Variants in PCDHGB4 observed in about 807,000 individuals in gnomAD.
PCDHGB4 encodes protocadherin gamma-B4.
In PCDHGB4, 38 loss-of-function variants were observed where a neutral mutation model predicts 60.5. The ratio of observed to expected loss-of-function variants is 0.63; its 90% CI spans 0.48 to 0.82. The LOEUF (loss-of-function observed/expected upper bound fraction) is 0.82. Among genes scored for constraint, PCDHGB4 ranks in the 40% least tolerant of loss-of-function variants. The pLI is 0.00. For synonymous variants in PCDHGB4, 456 were observed against 509.7 expected (o/e 0.89, Z 1.42); for missense variants, 1,109 against 1,209.6 (o/e 0.92, Z 1.23).
chr5:141,465,048 A>AT (rs905091014), intron 1 of PCDHGB4, among the ~76,000 whole-genome samples: 18 of 151,226 alleles, frequency 1.2e-4, no homozygotes, highest in African/African-American at 4.4e-4. Context: ...GACCCTATAT[A>AT]TTTTTTTGAA....
intron 1 of PCDHGB4, among the ~76,000 whole-genome samples, chr5:141,401,792 T>C (rs1359997438): frequency 6.6e-6 from 1 of 152,212 alleles, no homozygotes; most frequent in Non-Finnish European, 1.5e-5. Context: ...CCTTAGTATG[T>C]GATTCAGTAA....
At chr5:141,398,356 G>A (rs1242233046) in intron 1 of PCDHGB4, 2 of 1,409,378 alleles carry the variant, frequency 1.4e-6, no homozygotes, top group South Asian at 1.2e-5. Context: ...TTACTTCACC[G>A]TGAGCGCAGA....
chr5:141,408,933 G>C, intron 1 of PCDHGB4: 1 of 1,613,550 alleles, frequency 6.2e-7, no homozygotes, highest in South Asian at 1.1e-5. Context: ...GTTTTCAGCA[G>C]AGACGAATAT....
rs1391017504 is a variant in PCDHGB4 at position 141,490,732 on chromosome 5, G to GTTCAGGGAGCCCCAGCCTCCTCCT, written c.2398-4072_2398-4049dup. 6.2e-7 allele frequency: 1 copy of GTTCAGGGAGCCCCAGCCTCCTCCT among 1,614,070 alleles called. No individual in the cohort carries two copies. Among genetic ancestry groups the GTTCAGGGAGCCCCAGCCTCCTCCT allele is most frequent in the Non-Finnish European group, 8.5e-7 (1 of 1,180,050 alleles). On this transcript the variant is annotated intron_variant, in intron 1 of 3. Coordinates refer to ENST00000519479, the MANE Select transcript of PCDHGB4 (RefSeq NM_003736.4). This position sits in a 1 kb window ranked among gnomAD's most constrained non-coding sequence, Gnocchi z 5.4. ...CACCTACTCCATTGTAGGAAATCAG[G>GTTCAGGGAGCCCCAGCCTCCTCCT]TTCAGGGAGCCCCAGCCTCCTCCTT...
At chr5:141,435,941 A>G (rs1354198135) in intron 1 of PCDHGB4, among the ~76,000 whole-genome samples, 1 of 152,170 alleles carries the variant, frequency 6.6e-6, no homozygotes, top group Non-Finnish European at 1.5e-5. Flanking sequence ...TGCTTCTGAG[A>G]CCAAAAAAGG....
At chr5:141,404,068 T>C (rs2094481501) in intron 1 of PCDHGB4, 3 of 1,613,782 alleles carry the variant, frequency 1.9e-6, no homozygotes, top group Non-Finnish European at 2.5e-6. Flanking sequence ...TCAATGCTCA[T>C]GACCGAGACT....
chr5:141,455,343 G>T (rs1462807460), intron 1 of PCDHGB4, among the ~76,000 whole-genome samples: 1 of 152,036 alleles, frequency 6.6e-6, no homozygotes, highest in Non-Finnish European at 1.5e-5. Flanking sequence ...TTTAAGGAGC[G>T]GAGAGTTTAA....
At chr5:141,506,444 CAAAA>C (rs1219684339) in intron 3 of PCDHGB4, among the ~76,000 whole-genome samples, 5 of 95,022 alleles carry the variant, frequency 5.3e-5, no homozygotes, top group Admixed American at 1.1e-4. Context: ...CGCTCTGTCT[CAAAA>C]AAAAAAAAAA....
At chr5:141,504,959 T>C (rs1297800554) in intron 2 of PCDHGB4, among the ~76,000 whole-genome samples, 2 of 152,038 alleles carry the variant, frequency 1.3e-5, no homozygotes, top group Non-Finnish European at 2.9e-5. Flanking sequence ...GTTCAATGCA[T>C]TGGACCAGCC....
At position 141,477,166 on chromosome 5, in the gene PCDHGB4, G is replaced by A. The variant is rs753389305; in HGVS notation, c.2398-17641G>A. ...TTGTGGATGTGAATGACAACGCCCC[G>A]GAGATCACAGTCACCTCCGTGTACA... On this transcript the variant is annotated intron_variant, in intron 1 of 3. Transcript: ENST00000519479. This position sits in a 1 kb window ranked among gnomAD's most constrained non-coding sequence, Gnocchi z 4.9. 5.9e-5 allele frequency: 96 copies of A among 1,614,012 alleles called. 1 individual carries two copies. Among genetic ancestry groups the A allele is most frequent in the Non-Finnish European group, 7.9e-5 (93 of 1,180,030 alleles).
At chr5:141,463,103 A>G (rs1235750988) in intron 1 of PCDHGB4, among the ~76,000 whole-genome samples, 1 of 152,206 alleles carries the variant, frequency 6.6e-6, no homozygotes, top group African/African-American at 2.4e-5. Context: ...GTGACCATCA[A>G]GAATTCAGCT....
intron 1 of PCDHGB4, among the ~76,000 whole-genome samples, chr5:141,438,223 CA>C: frequency 6.6e-6 from 1 of 151,912 alleles, no homozygotes; most frequent in Non-Finnish European, 1.5e-5. Context: ...GGCTCTGGTT[CA>C]GGAAAATGTT....
intron 2 of PCDHGB4, among the ~76,000 whole-genome samples, chr5:141,503,388 A>C (rs1456500896): frequency 6.6e-6 from 1 of 152,004 alleles, no homozygotes; most frequent in East Asian, 1.9e-4. Flanking sequence ...TGAGGTCAGG[A>C]GTTCGAAACC....
At chr5:141,417,954 C>A (rs2096198021) in intron 1 of PCDHGB4, 3 of 1,613,600 alleles carry the variant, frequency 1.9e-6, no homozygotes, top group South Asian at 1.1e-5. Flanking sequence ...CTGTGTGAGC[C>A]GATCCGCTAC....
chr5:141,472,009 G>A (rs917861040), intron 1 of PCDHGB4, among the ~76,000 whole-genome samples: 11 of 152,074 alleles, frequency 7.2e-5, no homozygotes, highest in African/African-American at 2.7e-4. Flanking sequence ...TCGTATAGGG[G>A]CACTATATTG....
At chr5:141,456,148 C>G (rs1408257938) in intron 1 of PCDHGB4, among the ~76,000 whole-genome samples, 1 of 152,080 alleles carries the variant, frequency 6.6e-6, no homozygotes, top group African/African-American at 2.4e-5. Flanking sequence ...CCGCCCGCCT[C>G]GGCCTCCTAA....
chr5:141,453,077 T>C (rs2098755487), intron 1 of PCDHGB4, among the ~76,000 whole-genome samples: 1 of 152,090 alleles, frequency 6.6e-6, no homozygotes, highest in African/African-American at 2.4e-5. Context: ...CACACTCTGG[T>C]TGATTAGTAT....
intron 1 of PCDHGB4, among the ~76,000 whole-genome samples, chr5:141,483,160 T>C (rs1199191595): frequency 6.6e-6 from 1 of 152,176 alleles, no homozygotes; most frequent in Non-Finnish European, 1.5e-5. Flanking sequence ...AGTTAGATCC[T>C]GAGTTACCTT....
chr5:141,499,275 C>T (rs1259707742), intron 2 of PCDHGB4, among the ~76,000 whole-genome samples: 1 of 152,178 alleles, frequency 6.6e-6, no homozygotes, highest in African/African-American at 2.4e-5. Flanking sequence ...CTAGACTGTT[C>T]TCTGATGGCT....
Sources: allele counts gnomAD v4.1 joint callset (sites outside exome capture counted in the v4.1 genomes callset), GRCh38; gene constraint gnomAD v4.1.1; non-coding constraint Gnocchi (gnomAD v3.1); transcripts MANE v1.5; gene names NCBI Gene and HGNC (gene_info 2026-07-23, HGNC 2026-07-21).